DMD: variants seen among roughly 807,000 people sequenced by gnomAD.
The protein encoded by DMD is mutant dystrophin.
A neutral mutation model predicts 330.1 loss-of-function variants in DMD; 63 were observed. That is an observed-to-expected ratio of 0.19 (90% CI 0.16 to 0.24). DMD has a LOEUF of 0.24. DMD is among the 10% of genes least tolerant of loss of function. DMD has a pLI of 1.00. For missense variants in DMD, 3,344 were observed against 2,684.1 expected (o/e 1.25, Z -5.43); for synonymous variants, 1,223 against 959.8 (o/e 1.27, Z -5.07).
intron 52 of DMD, among the ~76,000 whole-genome samples, chrX:31,698,450 C>G (rs1174973382): frequency 8.9e-6 from 1 of 112,061 alleles, no homozygotes; most frequent in Non-Finnish European, 1.9e-5. Context: ...AGCTAGGACA[C>G]AACTATACCT....
intron 47 of DMD, among the ~76,000 whole-genome samples, chrX:31,900,478 C>T (rs1039213227): frequency 9.0e-6 from 1 of 111,390 alleles, no homozygotes; most frequent in Non-Finnish European, 1.9e-5. Context: ...TTGCCTGGTG[C>T]CATAGTTGTG....
chrX:32,699,936 T>C (rs1262794610), intron 7 of DMD, among the ~76,000 whole-genome samples: 1 of 112,007 alleles, frequency 8.9e-6, no homozygotes, highest in Non-Finnish European at 1.9e-5. Context: ...TCTCAGACAT[T>C]AGAGACAAAT....
chrX:33,296,313 T>G (rs1294929179), intron 1 of DMD, among the ~76,000 whole-genome samples: 2 of 111,317 alleles, frequency 1.8e-5, no homozygotes, highest in Non-Finnish European at 3.8e-5. Context: ...AAGGCAGCTT[T>G]TTAAATTTAG....
chrX:32,112,156 G>A (rs1222607231), intron 44 of DMD, among the ~76,000 whole-genome samples: 2 of 109,000 alleles, frequency 1.8e-5, no homozygotes, highest in African/African-American at 3.5e-5. Flanking sequence ...CCCGTCCCTC[G>A]AATTCATTCT....
intron 7 of DMD, among the ~76,000 whole-genome samples, chrX:32,743,666 T>G (rs932592105): frequency 3.6e-5 from 4 of 110,699 alleles, no homozygotes; most frequent in Non-Finnish European, 7.6e-5. Flanking sequence ...GTGGAATGTG[T>G]TCAGTGGGTG....
chrX:33,242,105 A>T (rs1190041508), intron 1 of DMD, among the ~76,000 whole-genome samples: 1 of 111,615 alleles, frequency 9.0e-6, no homozygotes, highest in Non-Finnish European at 1.9e-5. Flanking sequence ...GGGATTTTTT[A>T]AAAATTTATT....
At chrX:33,187,790 G>T (rs2050330326) in intron 1 of DMD, among the ~76,000 whole-genome samples, 1 of 111,180 alleles carries the variant, frequency 9.0e-6, no homozygotes, top group Non-Finnish European at 1.9e-5. Context: ...AAAATTGGTA[G>T]ATTTTATACA....
chrX:32,225,723 C>T (rs753968208), intron 43 of DMD, among the ~76,000 whole-genome samples: 172 of 109,200 alleles, frequency 1.6e-3, no homozygotes, highest in Non-Finnish European at 1.9e-3. Flanking sequence ...CCACCCACCC[C>T]CACCACCAAC....
intron 54 of DMD, among the ~76,000 whole-genome samples, chrX:31,645,361 C>G (rs2080023708): frequency 8.9e-6 from 1 of 112,122 alleles, no homozygotes; most frequent in Admixed American, 9.5e-5. Context: ...TATCCTCTCT[C>G]TGTCTCTAGC....
At chrX:32,188,709 A>C (rs751167851) in intron 44 of DMD, among the ~76,000 whole-genome samples, 1 of 109,427 alleles carries the variant, frequency 9.1e-6, no homozygotes, top group East Asian at 2.9e-4. Context: ...TATGCTTATT[A>C]ATAAAATTGT....
chrX:32,550,476 G>C (rs2049427923), intron 16 of DMD, among the ~76,000 whole-genome samples: 1 of 111,188 alleles, frequency 9.0e-6, no homozygotes, highest in Admixed American at 9.6e-5. Flanking sequence ...CAGAATCTCT[G>C]GGACACACAC....
intron 74 of DMD, among the ~76,000 whole-genome samples, chrX:31,152,864 T>TG (rs2037610107): frequency 9.5e-6 from 1 of 105,545 alleles, no homozygotes; most frequent in Non-Finnish European, 2.0e-5. Flanking sequence ...ATGTTTAACT[T>TG]GGGTGGGGGG....
At chrX:33,182,954 T>C (rs2050070589) in intron 1 of DMD, among the ~76,000 whole-genome samples, 1 of 111,418 alleles carries the variant, frequency 9.0e-6, no homozygotes, top group Non-Finnish European at 1.9e-5. Context: ...TAAGAATGAG[T>C]TTTTCTGCAA....
intron 44 of DMD, among the ~76,000 whole-genome samples, chrX:32,036,034 G>T (rs375692901): frequency 3.1e-4 from 35 of 111,619 alleles, no homozygotes; most frequent in African/African-American, 1.1e-3. Context: ...GCAAAGGTTA[G>T]GGCGAAGTGT....
At chrX:32,040,171 G>GT (rs2095988038) in intron 44 of DMD, among the ~76,000 whole-genome samples, 1 of 111,653 alleles carries the variant, frequency 9.0e-6, no homozygotes, top group East Asian at 2.8e-4. Context: ...TTCCACTTTG[G>GT]TAACAACTGA....
chrX:32,486,338 A>C (rs780638691), intron 20 of DMD, among the ~76,000 whole-genome samples: 1 of 112,042 alleles, frequency 8.9e-6, no homozygotes, highest in Admixed American at 9.5e-5. Context: ...TTTTTGATGA[A>C]TCAGGTTAAA....
At chrX:33,118,204 G>C (rs1299113217) in intron 1 of DMD, among the ~76,000 whole-genome samples, 1 of 102,612 alleles carries the variant, frequency 9.7e-6, no homozygotes, top group Non-Finnish European at 2.0e-5. Flanking sequence ...TCCGCCTCCC[G>C]GGTTCACGCC....
Position 33,195,373 on chromosome X carries a change from C to T in DMD, c.31+15909G>A, listed in dbSNP as rs772382233. On this transcript the variant is annotated intron_variant, in intron 1 of 78. Coordinates refer to ENST00000357033, the MANE Select transcript of DMD (RefSeq NM_004006.3). Reference sequence around the variant, plus strand: ...CTGGACTTAGAGCTCCTGTGCCCACCTCAAAGGACAGCAGCCCTGGCATGC... The same window carrying T: ...CTGGACTTAGAGCTCCTGTGCCCACTTCAAAGGACAGCAGCCCTGGCATGC... 4.5e-5 allele frequency among the ~76,000 whole-genome samples: 5 copies of T among 111,473 alleles called. No individual in the cohort carries two copies. The South Asian group carries it at 1.9e-3, about 42-fold the overall frequency.
chrX:32,948,113 G>GACACACACACACAC lies in DMD; in HGVS notation c.93+72012_93+72025dup, dbSNP rs3083093. On this transcript the variant is annotated intron_variant, in intron 2 of 78. Coordinates refer to ENST00000357033, the MANE Select transcript of DMD (RefSeq NM_004006.3). ...CTCAAAATTGACAGTGAGAGAAACA[G>GACACACACACACAC]ACACACACACACACACACACACACA... Among the ~76,000 whole-genome samples, 56 of 95,978 alleles carry GACACACACACACAC rather than the reference G, an allele frequency of 5.8e-4. No individual in the cohort carries two copies. The East Asian group carries it at 0.016, about 27-fold the overall frequency. The allele number at this position is 95,978 out of a possible 115,157, so 83.3% of individuals were successfully genotyped here. A position where few individuals can be genotyped will look rare whatever the true frequency, so the allele number is the denominator to read the frequency against.
Sources: gnomAD v4.1 joint callset for allele counts (sites outside exome capture counted in the v4.1 genomes callset) on GRCh38, gnomAD v4.1.1 for gene constraint, MANE v1.5 for transcripts, NCBI Gene and HGNC (gene_info 2026-07-23, HGNC 2026-07-21) for gene names.